Variants in CNTN5 observed in about 807,000 individuals in gnomAD.
CNTN5 encodes the protein contactin 5, also known as contactin-5.
A neutral mutation model predicts 129.1 loss-of-function variants in CNTN5; 77 were observed. The ratio of observed to expected loss-of-function variants is 0.60; its 90% CI spans 0.50 to 0.72. The LOEUF (loss-of-function observed/expected upper bound fraction) is 0.72. Ranked by LOEUF, CNTN5 falls within the 30% of genes least tolerant of loss-of-function variation. The pLI, the probability that CNTN5 is intolerant of heterozygous loss-of-function variation, is 0.00. For missense variants in CNTN5, 1,478 were observed against 1,328.8 expected, an observed-to-expected ratio of 1.11 and a Z score of -1.75; for synonymous variants, 509 against 465.6, an observed-to-expected ratio of 1.09 and a Z score of -1.20.
At chr11:99,024,564 TTA>T (rs1398482866) in intron 1 of CNTN5, among the ~76,000 whole-genome samples, 10 of 152,112 alleles carry the variant, frequency 6.6e-5, no homozygotes, top group Admixed American at 1.3e-4. Flanking sequence ...GTAGATAATT[TTA>T]TGTCTATTAA....
rs147184567 is a variant in CNTN5 at position 100,298,781 on chromosome 11, G to T, written c.2386-381G>T. ...TATATCTTACTTTTGTGGTCTAAAGGGTTCTGCAGAGCATTACCAGTGACA... is the reference window on the plus strand; with the variant it reads ...TATATCTTACTTTTGTGGTCTAAAGTGTTCTGCAGAGCATTACCAGTGACA... On this transcript the variant is annotated intron_variant, in intron 19 of 24. Transcript: ENST00000524871. Among the ~76,000 whole-genome samples the T allele has an allele frequency of 1.1e-3, 170 of 150,710 alleles. 3 individuals carry two copies. In the East Asian group the frequency reaches 0.023, roughly 21 times the overall value.
chr11:99,196,867 A>C (rs1160401213), intron 1 of CNTN5, among the ~76,000 whole-genome samples: 2 of 151,918 alleles, frequency 1.3e-5, no homozygotes, highest in Non-Finnish European at 2.9e-5. Flanking sequence ...ATGTCCTTGG[A>C]ATATAGTATG....
intron 18 of CNTN5, among the ~76,000 whole-genome samples, chr11:100,274,357 C>T (rs542035306): frequency 6.6e-6 from 1 of 152,076 alleles, no homozygotes; most frequent in Admixed American, 6.5e-5. Context: ...ACAACAAAAA[C>T]AAAAATTGAC....
chr11:99,772,906 C>T (rs1944993819), intron 3 of CNTN5, among the ~76,000 whole-genome samples: 1 of 151,916 alleles, frequency 6.6e-6, no homozygotes, highest in South Asian at 2.1e-4. Flanking sequence ...AGTCTTTGTC[C>T]TATTGGTTTT....
chr11:100,265,692 A>G (rs180982670), intron 17 of CNTN5, among the ~76,000 whole-genome samples: 110 of 152,318 alleles, frequency 7.2e-4, no homozygotes, highest in African/African-American at 1.9e-3. Context: ...GAGGTTCCAC[A>G]TGAACCCTCT....
At chr11:100,281,136 A>G (rs1950627484) in intron 18 of CNTN5, among the ~76,000 whole-genome samples, 1 of 152,126 alleles carries the variant, frequency 6.6e-6, no homozygotes, top group Non-Finnish European at 1.5e-5. Context: ...CCACAGTTAC[A>G]GTGTTATAAT....
intron 2 of CNTN5, among the ~76,000 whole-genome samples, chr11:99,530,660 G>A (rs1014075509): frequency 6.6e-6 from 1 of 152,172 alleles, no homozygotes; most frequent in African/African-American, 2.4e-5. Context: ...CACATGTTGT[G>A]GGAAGGACCC....
intron 2 of CNTN5, among the ~76,000 whole-genome samples, chr11:99,435,352 G>A (rs779168294): frequency 9.9e-5 from 15 of 152,100 alleles, no homozygotes; most frequent in Non-Finnish European, 2.1e-4. Flanking sequence ...AGCTGTCCAG[G>A]TGACATATCA....
chr11:99,970,835 T>C (rs1951230148), intron 8 of CNTN5, among the ~76,000 whole-genome samples: 1 of 152,138 alleles, frequency 6.6e-6, no homozygotes, highest in Non-Finnish European at 1.5e-5. Context: ...GCGGTAACAT[T>C]GGGAGGAGCT....
intron 3 of CNTN5, among the ~76,000 whole-genome samples, chr11:99,668,714 A>T (rs1952903970): frequency 6.6e-6 from 1 of 152,132 alleles, no homozygotes; most frequent in Admixed American, 6.6e-5. Context: ...AGATCGCTTG[A>T]GTTGAGAAAT....
At chr11:100,072,078 A>G (rs1943944032) in intron 12 of CNTN5, among the ~76,000 whole-genome samples, 1 of 152,182 alleles carries the variant, frequency 6.6e-6, no homozygotes, top group Non-Finnish European at 1.5e-5. Flanking sequence ...AAAGGTTTAC[A>G]CAATACGTCT....
At chr11:100,036,338 GGTACCA>G (rs1262400045) in intron 9 of CNTN5, among the ~76,000 whole-genome samples, 3 of 151,804 alleles carry the variant, frequency 2.0e-5, no homozygotes, top group Non-Finnish European at 4.4e-5. Flanking sequence ...TCTCTGTTTT[GGTACCA>G]GTACCAGGCT....
chr11:99,354,371 G>C (rs35270358), intron 2 of CNTN5, among the ~76,000 whole-genome samples: 33,840 of 152,078 alleles, frequency 0.22, 4,684 homozygotes, highest in Non-Finnish European at 0.32. Flanking sequence ...TCAATTAAGA[G>C]TTCCCGGGAC....
chr11:99,082,082 T>C (rs919595119), intron 1 of CNTN5, among the ~76,000 whole-genome samples: 19 of 152,210 alleles, frequency 1.2e-4, no homozygotes, highest in Admixed American at 1.0e-3. Context: ...TGATGTATTA[T>C]GGTGGAGTAG....
intron 2 of CNTN5, among the ~76,000 whole-genome samples, chr11:99,415,367 C>T (rs1025960711): frequency 6.6e-5 from 10 of 151,992 alleles, no homozygotes; most frequent in African/African-American, 2.4e-4. Flanking sequence ...GGAAGAAAAC[C>T]CAGCAAGGCT....
At chr11:99,598,787 G>C (rs1950224633) in intron 3 of CNTN5, among the ~76,000 whole-genome samples, 4 of 151,784 alleles carry the variant, frequency 2.6e-5, no homozygotes, top group Non-Finnish European at 5.9e-5. Flanking sequence ...TATTACTGTG[G>C]AACTTTAGGA....
At chr11:99,723,883 A>C (rs755311468) in intron 3 of CNTN5, among the ~76,000 whole-genome samples, 6 of 152,144 alleles carry the variant, frequency 3.9e-5, no homozygotes, top group Non-Finnish European at 8.8e-5. Context: ...AATTTTAGTC[A>C]CATTCTAAGG....
intron 1 of CNTN5, among the ~76,000 whole-genome samples, chr11:99,224,900 C>T (rs1860598318): frequency 6.6e-6 from 1 of 152,096 alleles, no homozygotes; most frequent in Middle Eastern, 3.4e-3. Flanking sequence ...GGAAGGTGGA[C>T]TCACAACTTT....
intron 2 of CNTN5, among the ~76,000 whole-genome samples, chr11:99,348,207 C>T (rs2136074693): frequency 6.6e-6 from 1 of 152,186 alleles, no homozygotes; most frequent in South Asian, 2.1e-4. Flanking sequence ...GGCGTGGTGG[C>T]AGGCGCCTGT....
Sources: allele counts gnomAD v4.1 joint callset (sites outside exome capture counted in the v4.1 genomes callset), GRCh38; gene constraint gnomAD v4.1.1; transcripts MANE v1.5; gene names NCBI Gene and HGNC (gene_info 2026-07-23, HGNC 2026-07-21).